NEK10: variants seen among roughly 807,000 people sequenced by gnomAD.
NEK10 encodes the protein NIMA related kinase 10.
A neutral mutation model predicts 159.8 loss-of-function variants in NEK10; 122 were observed. The observed-to-expected ratio is 0.76, with a 90% confidence interval of 0.66 to 0.89. The LOEUF (loss-of-function observed/expected upper bound fraction) is 0.89, where lower values mean the gene tolerates loss of function less well. Ranked by LOEUF, NEK10 falls within the 40% of genes least tolerant of loss-of-function variation. NEK10 has a pLI of 0.00. For synonymous variants in NEK10, 466 were observed against 457.1 expected, an observed-to-expected ratio of 1.02 and a Z score of -0.25; for missense variants, 1,342 against 1,323.1, an observed-to-expected ratio of 1.01 and a Z score of -0.22.
chr3:27,132,023 A>T (rs776607291), intron 31 of NEK10, 33 bp from the exon 32 acceptor site: 2 of 1,306,492 alleles, frequency 1.5e-6, no homozygotes, highest in South Asian at 2.4e-5. Flanking sequence ...CATTATAAAC[A>T]AATTGTTAAC....
At position 27,128,125 on chromosome 3, in the gene NEK10, A is replaced by AC. The variant is rs1300670199; in HGVS notation, c.3081+3754dup. 2.6e-5 allele frequency among the ~76,000 whole-genome samples: 4 copies of AC among 152,310 alleles called. No individual in the cohort carries two copies. The East Asian group carries it at 7.7e-4, about 29-fold the overall frequency. On this transcript the variant is annotated intron_variant, in intron 32 of 35. Transcript: ENST00000691995. ...CGTTCCAGGCCATATGGTCTCTGTA[A>AC]CTGCTATTCAACTTTGTCTGTAAAC...
At chr3:27,333,808 A>G (rs1199552689) in intron 5 of NEK10, among the ~76,000 whole-genome samples, 2 of 151,712 alleles carry the variant, frequency 1.3e-5, no homozygotes, top group Admixed American at 1.3e-4. Context: ...ACAGAGGTGC[A>G]AGAGAAGAGC....
intron 1 of NEK10, among the ~76,000 whole-genome samples, chr3:27,366,833 C>T (rs1224527289): frequency 1.0e-4 from 11 of 105,354 alleles, no homozygotes; most frequent in African/African-American, 3.6e-4. Context: ...TTTTTTGAGA[C>T]GGAGTTTCAC....
At chr3:27,248,800 T>C (rs1955359224) in intron 23 of NEK10, among the ~76,000 whole-genome samples, 1 of 152,200 alleles carries the variant, frequency 6.6e-6, no homozygotes, top group Non-Finnish European at 1.5e-5. Context: ...TGAGAATAAT[T>C]CATGTGCTGA....
chr3:27,306,529 C>G (rs1457605570), intron 11 of NEK10, among the ~76,000 whole-genome samples: 1 of 152,190 alleles, frequency 6.6e-6, no homozygotes, highest in Non-Finnish European at 1.5e-5. Flanking sequence ...CCACCTCACT[C>G]CCACATACAC....
At chr3:27,213,820 T>C (rs1213670291) in intron 23 of NEK10, among the ~76,000 whole-genome samples, 1 of 146,884 alleles carries the variant, frequency 6.8e-6, no homozygotes, top group African/African-American at 2.4e-5. Context: ...CCCCAAAATA[T>C]ATTCCTTTGA....
In NEK10 at chr3:27,141,593, T is replaced by C. The variant is rs771728984; in HGVS notation, c.2870-11A>G. The C allele has an allele frequency of 2.2e-5, 36 of 1,600,734 alleles. No individual in the cohort carries two copies. In the Middle Eastern group the frequency reaches 6.6e-4, roughly 29 times the overall value. On this transcript the variant is annotated splice_polypyrimidine_tract_variant and intron_variant, in intron 30 of 35. Coordinates refer to ENST00000691995, the MANE Select transcript of NEK10 (RefSeq NM_001394966.1). ...CAATTCCTGCTGATGCTGTGGGTGATAAATTTTGTAGTTAGTCAAGTTCTC... is the reference window on the plus strand; with the variant it reads ...CAATTCCTGCTGATGCTGTGGGTGACAAATTTTGTAGTTAGTCAAGTTCTC...
chr3:27,291,474 C>G lies in NEK10; in HGVS notation c.1476+10G>C. Reference sequence around the variant, plus strand: ...GCAGCCTGCCAAAATATTGAAAACTCAGGACTTACCACTAATAAATTCAGC... The same window carrying G: ...GCAGCCTGCCAAAATATTGAAAACTGAGGACTTACCACTAATAAATTCAGC... On this transcript the variant is annotated intron_variant, in intron 17 of 35. Coordinates refer to ENST00000691995, the MANE Select transcript of NEK10 (RefSeq NM_001394966.1). 6.2e-7 allele frequency: 1 copy of G among 1,602,650 alleles called. No homozygotes were observed. The highest frequency in any genetic ancestry group is 1.1e-5 in the South Asian group (1 of 90,820).
In NEK10 at chr3:27,108,708, A is replaced by T. The variant is rs772282029; in HGVS notation, c.*2564T>A. Among the ~76,000 whole-genome samples, 2 of 152,234 alleles carry T rather than the reference A, an allele frequency of 1.3e-5. No homozygotes were observed. Among genetic ancestry groups the T allele is most frequent in the Non-Finnish European group, 2.9e-5 (2 of 68,042 alleles). ...TTAAGAGGTCTATGAAGTTCATGTA[A>T]CAACTCCTTTGCACTAATAGACAGT... On this transcript the variant is annotated 3_prime_UTR_variant, in exon 36 of 36. Transcript: ENST00000691995.
chr3:27,141,605 T>C, intron 30 of NEK10, 23 bp from the exon 31 acceptor site: 1 of 1,567,364 alleles, frequency 6.4e-7, no homozygotes, highest in Non-Finnish European at 8.7e-7. Flanking sequence ...AATTTTGTAG[T>C]TAGTCAAGTT....
intron 1 of NEK10, among the ~76,000 whole-genome samples, chr3:27,368,362 G>C (rs73055756): frequency 0.32 from 48,871 of 151,478 alleles, 9,883 homozygotes; most frequent in East Asian, 0.75. Context: ...TTCAACAATG[G>C]TGGGGAAAAA....
chr3:27,215,049 T>A, intron 23 of NEK10: 1 of 591,638 alleles, frequency 1.7e-6, no homozygotes, highest in Admixed American at 2.5e-5. Context: ...CCAGCTTTCC[T>A]CTTGGCCGGC....
At chr3:27,303,643 G>A (rs2044006230) in intron 12 of NEK10, among the ~76,000 whole-genome samples, 1 of 152,100 alleles carries the variant, frequency 6.6e-6, no homozygotes, top group Admixed American at 6.5e-5. Context: ...TTTTTCCTTT[G>A]TTTAGGTAAT....
chr3:27,218,032 G>A (rs1221109515), intron 23 of NEK10, among the ~76,000 whole-genome samples: 1 of 152,110 alleles, frequency 6.6e-6, no homozygotes, highest in Non-Finnish European at 1.5e-5. Context: ...AGTAAAATAA[G>A]GGTTACTTGA....
intron 30 of NEK10, among the ~76,000 whole-genome samples, chr3:27,149,520 G>A (rs1007437298): frequency 1.2e-4 from 19 of 152,226 alleles, no homozygotes; most frequent in African/African-American, 4.6e-4. Flanking sequence ...TAGATCTGTT[G>A]TGATGATCTG....
intron 16 of NEK10, among the ~76,000 whole-genome samples, chr3:27,292,767 C>CAAAA (rs35773318): frequency 0.051 from 4,503 of 88,194 alleles, 124 homozygotes; most frequent in African/African-American, 0.086. Context: ...GAGCCTTTGT[C>CAAAA]AAAAAAAAAA....
At chr3:27,327,453 T>C (rs1352625862) in intron 5 of NEK10, among the ~76,000 whole-genome samples, 1 of 152,184 alleles carries the variant, frequency 6.6e-6, no homozygotes, top group Non-Finnish European at 1.5e-5. Flanking sequence ...GCCACCCCTG[T>C]CCGTGACCAC....
intron 5 of NEK10, among the ~76,000 whole-genome samples, chr3:27,324,869 T>C (rs2045901673): frequency 6.6e-6 from 1 of 152,162 alleles, no homozygotes; most frequent in Non-Finnish European, 1.5e-5. Flanking sequence ...CCTCATGTCT[T>C]TCCACTGCCC....
At chr3:27,253,164 G>A (rs116303454) in intron 23 of NEK10, among the ~76,000 whole-genome samples, 2,408 of 152,028 alleles carry the variant, frequency 0.016, 20 homozygotes, top group Non-Finnish European at 0.022. Context: ...ATATGAATGG[G>A]ATTATACTAA....
Sources: gnomAD v4.1 joint callset for allele counts (sites outside exome capture counted in the v4.1 genomes callset) on GRCh38, gnomAD v4.1.1 for gene constraint, MANE v1.5 for transcripts, NCBI Gene and HGNC (gene_info 2026-07-23, HGNC 2026-07-21) for gene names.